Variants in GNA12 observed in about 807,000 individuals in gnomAD.
The protein encoded by GNA12 is G protein subunit alpha 12.
A neutral mutation model predicts 26.0 loss-of-function variants in GNA12; 9 were observed. That is an observed-to-expected ratio of 0.35 (90% CI 0.21 to 0.60). The LOEUF (loss-of-function observed/expected upper bound fraction) is 0.60, where lower values mean the gene tolerates loss of function less well. Ranked by LOEUF, GNA12 falls within the 20% of genes least tolerant of loss-of-function variation. The probability of loss-of-function intolerance (pLI) is 0.78; values close to 1 mark genes in which losing one functional copy is unlikely to be tolerated. For missense variants in GNA12, 405 were observed against 525.8 expected, an observed-to-expected ratio of 0.77 and a Z score of 2.25; for synonymous variants, 264 against 219.6, an observed-to-expected ratio of 1.20 and a Z score of -1.79.
chr7:2,805,384 CG>C (rs1265075461), intron 1 of GNA12, among the ~76,000 whole-genome samples: 1 of 152,176 alleles, frequency 6.6e-6, no homozygotes, highest in Non-Finnish European at 1.5e-5. Flanking sequence ...CAAGCCTGAC[CG>C]ATTTAGTTTA....
chr7:2,814,035 C>T (rs1793153767), intron 1 of GNA12, among the ~76,000 whole-genome samples: 1 of 152,158 alleles, frequency 6.6e-6, no homozygotes, highest in Non-Finnish European at 1.5e-5. Flanking sequence ...GACATCTCAT[C>T]CTCTCTTGCC....
intron 2 of GNA12, among the ~76,000 whole-genome samples, chr7:2,786,494 A>G (rs558288091): frequency 2.0e-5 from 3 of 152,342 alleles, no homozygotes; most frequent in African/African-American, 7.2e-5. Flanking sequence ...ATGATTATGA[A>G]AAGTTCGACT....
chr7:2,758,763 G>C (rs1562410928), intron 2 of GNA12, among the ~76,000 whole-genome samples: 1 of 152,192 alleles, frequency 6.6e-6, no homozygotes. Flanking sequence ...CCCACCTCTG[G>C]TTCAGTGGAT....
At chr7:2,741,778 G>A (rs1790518752) in intron 2 of GNA12, among the ~76,000 whole-genome samples, 1 of 151,410 alleles carries the variant, frequency 6.6e-6, no homozygotes, top group Admixed American at 6.6e-5. Flanking sequence ...TAAGAATGAG[G>A]ACACCTGCTT....
intron 2 of GNA12, among the ~76,000 whole-genome samples, chr7:2,772,095 C>T (rs1247119695): frequency 6.6e-6 from 1 of 152,190 alleles, no homozygotes; most frequent in African/African-American, 2.4e-5. Flanking sequence ...ATCTTTTGTC[C>T]TTTTAAAAAA....
chr7:2,759,140 A>AAAATAAAT (rs3074427), intron 2 of GNA12, among the ~76,000 whole-genome samples: 93 of 144,766 alleles, frequency 6.4e-4, no homozygotes, highest in East Asian at 1.4e-3. Flanking sequence ...ACACTGTCTC[A>AAAATAAAT]AAATAAATAA....
chr7:2,829,818 C>G (rs576127376), intron 1 of GNA12, among the ~76,000 whole-genome samples: 2 of 152,184 alleles, frequency 1.3e-5, no homozygotes, highest in East Asian at 1.9e-4. Flanking sequence ...GTGCTCGAGG[C>G]CAGTTTTTCC....
intron 2 of GNA12, among the ~76,000 whole-genome samples, chr7:2,778,165 A>T (rs1583273448): frequency 6.6e-6 from 1 of 152,256 alleles, no homozygotes; most frequent in East Asian, 1.9e-4. Flanking sequence ...GTTTAGTGAG[A>T]AGAGACTTAA....
At chr7:2,838,042 A>C (rs1778889122) in intron 1 of GNA12, among the ~76,000 whole-genome samples, 1 of 152,246 alleles carries the variant, frequency 6.6e-6, no homozygotes, top group East Asian at 1.9e-4. Flanking sequence ...TTCTACACTT[A>C]AAGCTGTAAA....
intron 1 of GNA12, among the ~76,000 whole-genome samples, chr7:2,816,970 C>T (rs1793232337): frequency 6.6e-6 from 1 of 152,186 alleles, no homozygotes; most frequent in East Asian, 1.9e-4. Flanking sequence ...CTCATTCTTG[C>T]CCACTTCCAC....
intron 2 of GNA12, among the ~76,000 whole-genome samples, chr7:2,759,429 T>C (rs1337756324): frequency 1.3e-5 from 2 of 152,190 alleles, no homozygotes; most frequent in Admixed American, 6.5e-5. Flanking sequence ...GTTCTGTCCA[T>C]GTGACAGATG....
intron 2 of GNA12, among the ~76,000 whole-genome samples, chr7:2,743,029 C>T (rs1790589316): frequency 6.6e-6 from 1 of 152,172 alleles, no homozygotes; most frequent in Non-Finnish European, 1.5e-5. Flanking sequence ...AGCCTACCAT[C>T]TTTTTGGCCA....
chr7:2,825,393 C>G (rs1471271358), intron 1 of GNA12, among the ~76,000 whole-genome samples: 3 of 152,114 alleles, frequency 2.0e-5, no homozygotes, highest in Non-Finnish European at 4.4e-5. Flanking sequence ...GGAGAGAGGG[C>G]GGGAAGGGGC....
At chr7:2,838,651 A>G (rs1406737621) in intron 1 of GNA12, among the ~76,000 whole-genome samples, 1 of 152,180 alleles carries the variant, frequency 6.6e-6, no homozygotes, top group Non-Finnish European at 1.5e-5. Context: ...AATATGATGC[A>G]ACAATATGCT....
intron 1 of GNA12, among the ~76,000 whole-genome samples, chr7:2,814,108 T>G (rs1308321247): frequency 1.3e-5 from 2 of 152,186 alleles, no homozygotes; most frequent in African/African-American, 4.8e-5. Context: ...GAGCTGAGTT[T>G]GAATCACGCC....
intron 2 of GNA12, among the ~76,000 whole-genome samples, chr7:2,745,873 GTC>G (rs560537825): frequency 0.011 from 1,633 of 152,288 alleles, 33 homozygotes; most frequent in African/African-American, 0.037. Context: ...TGCAATCCTA[GTC>G]TCTGATAAAA....
At chr7:2,777,966 A>G (rs1414574084) in intron 2 of GNA12, among the ~76,000 whole-genome samples, 1 of 152,224 alleles carries the variant, frequency 6.6e-6, no homozygotes, top group Non-Finnish European at 1.5e-5. Flanking sequence ...ATGTCTTCCA[A>G]CTTCAGAAGA....
At chr7:2,793,490 A>G (rs993610157) in intron 2 of GNA12, among the ~76,000 whole-genome samples, 4 of 152,224 alleles carry the variant, frequency 2.6e-5, no homozygotes, top group African/African-American at 9.7e-5. Flanking sequence ...GGAGAAGAAT[A>G]TAAGGAAATT....
chr7:2,780,320 A>G (rs1236221689), intron 2 of GNA12, among the ~76,000 whole-genome samples: 3 of 151,984 alleles, frequency 2.0e-5, no homozygotes, highest in Admixed American at 1.3e-4. Context: ...AAGCAATACA[A>G]TAAACATCCT....
Sources: allele counts gnomAD v4.1 joint callset (sites outside exome capture counted in the v4.1 genomes callset), GRCh38; gene constraint gnomAD v4.1.1; transcripts MANE v1.5; gene names NCBI Gene and HGNC (gene_info 2026-07-23, HGNC 2026-07-21).